The following MRGPRX2 variants were observed in gnomAD, a reference collection of about 807,000 sequenced individuals.
MRGPRX2 encodes mas-related G protein-coupled receptor member X2.
For synonymous variants in MRGPRX2, 183 were observed against 175.6 expected (o/e 1.04, Z -0.33); for missense variants, 389 against 404.5 (o/e 0.96, Z 0.33).
At chr11:19,059,389 C>G (rs916599174) in intron 1 of MRGPRX2, among the ~76,000 whole-genome samples, 5 of 152,190 alleles carry the variant, frequency 3.3e-5, no homozygotes, top group African/African-American at 1.2e-4. Context: ...GTTATCAGCC[C>G]AAGTCTAGTA....
rs578178530 is a variant in MRGPRX2, at chr11:19,056,273, C to A, written c.130G>T (p.Gly44Trp). ...VFLILFIALV[G>W]LVGNGFVLWL... ...AGCACAAACCCGTTTCCTACCAGCC[C>A]GACCAGGGCAATGAAAAGGATCAGG... Residue 44 changes from glycine to tryptophan, a missense_variant, in exon 2 of 2, where the codon GGG (glycine) becomes TGG (tryptophan). Transcript: ENST00000329773. The A allele has an allele frequency of 7.4e-6, 12 of 1,614,098 alleles. No homozygotes were observed. Among genetic ancestry groups the A allele is most frequent in the Non-Finnish European group, 1.0e-5 (12 of 1,180,038 alleles).
Position 19,055,958 on chromosome 11 carries a change from C to A in MRGPRX2, c.445G>T (p.Val149Leu), listed in dbSNP as rs1849612711. ...CRRPRHLSAV[V>L]CVLLWALSLL... Reference sequence around the variant, plus strand: ...GACAGGGCCCAGAGCAGGACACACACGACCGCTGACAGGTGTCTGGGGCGG... The same window carrying A: ...GACAGGGCCCAGAGCAGGACACACAAGACCGCTGACAGGTGTCTGGGGCGG... Residue 149 changes from valine (V) to leucine (L), a missense_variant, in exon 2 of 2, where the codon GTG becomes TTG. Physicochemically the swap from Val to Leu is conservative, Grantham distance 32 (BLOSUM62 1). Coordinates refer to ENST00000329773, the MANE Select transcript of MRGPRX2 (RefSeq NM_054030.4). The A allele has an allele frequency of 6.2e-7, 1 of 1,614,092 alleles. No individual in the cohort carries two copies. Among genetic ancestry groups the A allele is most frequent in the Non-Finnish European group, 8.5e-7 (1 of 1,180,056 alleles).
intron 1 of MRGPRX2, among the ~76,000 whole-genome samples, chr11:19,060,326 G>A (rs1001141253): frequency 6.6e-6 from 1 of 152,196 alleles, no homozygotes; most frequent in Admixed American, 6.5e-5. Flanking sequence ...ATTTAGCTTA[G>A]GGAAGTAATG....
In MRGPRX2 at chr11:19,056,269, A is replaced by G. The variant is rs1436309050; in HGVS notation, c.134T>C (p.Leu45Pro). The G allele has an allele frequency of 1.2e-6, 2 of 1,614,130 alleles. No individual in the cohort carries two copies. The highest frequency in any genetic ancestry group is 1.7e-6 in the Non-Finnish European group (2 of 1,180,050). The stretch of plus-strand genomic sequence containing the variant: ...CCAGAGCACAAACCCGTTTCCTACC[A>G]GCCCGACCAGGGCAATGAAAAGGAT... ...FLILFIALVGLVGNGFVLWLL... is the reference protein window; with the variant it reads ...FLILFIALVGPVGNGFVLWLL... Residue 45 changes from leucine to proline, a missense_variant, in exon 2 of 2, where the codon CTG becomes CCG. Leu to Pro is a moderately conservative substitution (Grantham distance 98, BLOSUM62 -3). Coordinates refer to ENST00000329773, the MANE Select transcript of MRGPRX2 (RefSeq NM_054030.4).
intron 1 of MRGPRX2, among the ~76,000 whole-genome samples, chr11:19,058,594 G>T (rs1003565979): frequency 2.0e-5 from 3 of 151,668 alleles, no homozygotes; most frequent in Admixed American, 6.6e-5. Flanking sequence ...CTAATTTTTT[G>T]TATTTTTTTT....
At chr11:19,058,210 C>G (rs1849635558) in intron 1 of MRGPRX2, among the ~76,000 whole-genome samples, 1 of 152,196 alleles carries the variant, frequency 6.6e-6, no homozygotes, top group Non-Finnish European at 1.5e-5. Flanking sequence ...GCAGAAAACT[C>G]TCATGGGTTG....
In MRGPRX2 at chr11:19,059,886, C is replaced by T. The variant is rs149575032; in HGVS notation, c.-26+733G>A. The stretch of plus-strand genomic sequence containing the variant: ...TTTTTCAGCCAAAGGGACACATTGA[C>T]AGTAGATTGGGGGATGATTTTTTAA... On this transcript the variant is annotated intron_variant, in intron 1 of 1. Transcript: ENST00000329773. Among the ~76,000 whole-genome samples the T allele has an allele frequency of 3.2e-3, 493 of 152,130 alleles. 5 individuals carry two copies. The highest frequency in any genetic ancestry group is 0.011 in the African/African-American group (464 of 41,478).
chr11:19,058,601 T>C (rs1849640273), intron 1 of MRGPRX2, among the ~76,000 whole-genome samples: 1 of 151,982 alleles, frequency 6.6e-6, no homozygotes, highest in Admixed American at 6.6e-5. Context: ...TTTGTATTTT[T>C]TTTTTCAGTA....
intron 1 of MRGPRX2, among the ~76,000 whole-genome samples, chr11:19,060,328 G>A (rs1032979785): frequency 6.6e-6 from 1 of 152,220 alleles, no homozygotes; most frequent in South Asian, 2.1e-4. Context: ...TTAGCTTAGG[G>A]AAGTAATGAC....
chr11:19,056,255 A>T lies in MRGPRX2; in HGVS notation c.148T>A (p.Phe50Ile). 6.2e-7 allele frequency: 1 copy of T among 1,614,086 alleles called. No individual in the cohort carries two copies. Among genetic ancestry groups the T allele is most frequent in the Non-Finnish European group, 8.5e-7 (1 of 1,179,966 alleles). Residue 50 changes from phenylalanine to isoleucine, a missense_variant, in exon 2 of 2, where the codon TTT becomes ATT. Physicochemically the swap from Phe to Ile is conservative, Grantham distance 21. Coordinates refer to ENST00000329773, the MANE Select transcript of MRGPRX2 (RefSeq NM_054030.4). Reference sequence around the variant, plus strand: ...CGGAAGCCCAGGAGCCAGAGCACAAACCCGTTTCCTACCAGCCCGACCAGG... The same window carrying T: ...CGGAAGCCCAGGAGCCAGAGCACAATCCCGTTTCCTACCAGCCCGACCAGG... ...IALVGLVGNG[F>I]VLWLLGFRMR... is the part of the protein sequence containing the mutation.
chr11:19,057,492 A>G (rs188283618), intron 1 of MRGPRX2, among the ~76,000 whole-genome samples: 147 of 152,360 alleles, frequency 9.6e-4, no homozygotes, highest in Non-Finnish European at 1.8e-3. Flanking sequence ...TCTAGTGTCT[A>G]GAGGTAACTA....
chr11:19,055,413 C>T lies in MRGPRX2; in HGVS notation c.990G>A (p.Val330=), dbSNP rs756201191. The T allele has an allele frequency of 4.0e-5, 64 of 1,603,016 alleles. No homozygotes were observed. The highest frequency in any genetic ancestry group is 4.5e-5 in the East Asian group (2 of 44,600). Residue 330 remains valine (V), a synonymous_variant, in exon 2 of 2, where the codon GTG becomes GTA. Coordinates refer to ENST00000329773, the MANE Select transcript of MRGPRX2 (RefSeq NM_054030.4). ...GTPEMSRSSL[V] is the part of the protein sequence containing the mutation. Reference sequence around the variant, plus strand: ...TGGAAGTAGAGGCTGTCCATCTCTACACCAGACTGCTTCTCGACATCTCCG... The same window carrying T: ...TGGAAGTAGAGGCTGTCCATCTCTATACCAGACTGCTTCTCGACATCTCCG...
intron 1 of MRGPRX2, among the ~76,000 whole-genome samples, chr11:19,058,721 C>T (rs932722077): frequency 3.3e-5 from 5 of 152,242 alleles, no homozygotes; most frequent in East Asian, 1.9e-4. Flanking sequence ...CCACCGTGCC[C>T]GGCCCTGCAC....
At chr11:19,056,576 C>A in intron 1 of MRGPRX2, 149 bp from the exon 2 acceptor site, 1 of 761,746 alleles carries the variant, frequency 1.3e-6, no homozygotes, top group Non-Finnish European at 2.1e-6. Flanking sequence ...CCAGGGAGTC[C>A]TAGCACCTGG....
Position 19,056,382 on chromosome 11 carries a change from G to C in MRGPRX2, c.21C>G (p.Ala7=). The C allele has an allele frequency of 1.2e-6, 2 of 1,611,552 alleles. No individual in the cohort carries two copies. Among genetic ancestry groups the C allele is most frequent in the Non-Finnish European group, 1.7e-6 (2 of 1,177,806 alleles). ...TCACTGTTGTACTTTCTGTTCCCCA[G>C]GCCGGGGTGGTTGGATCCATGCTCA... MDPTTP[A]WGTESTTVNG... is the part of the protein sequence containing the mutation. Residue 7 remains alanine, a synonymous_variant, in exon 2 of 2, where the codon GCC becomes GCG. Transcript: ENST00000329773.
In MRGPRX2 at chr11:19,055,305, A is replaced by G. The variant is rs957945318; in HGVS notation, c.*105T>C. 2.7e-5 allele frequency: 32 copies of G among 1,205,916 alleles called. 1 individual carries two copies. The African/African-American group carries it at 4.6e-4, about 17-fold the overall frequency. The allele number at this position is 1,205,916 out of a possible 1,614,324, so 74.7% of individuals were successfully genotyped here. On this transcript the variant is annotated 3_prime_UTR_variant, in exon 2 of 2. Coordinates refer to ENST00000329773, the MANE Select transcript of MRGPRX2 (RefSeq NM_054030.4). ...CTTAATCCTCACAAGGACTCTCTTA[A>G]CTGTTTTAAAATCAGGACTGAGAAA...
At position 19,055,433 on chromosome 11, in the gene MRGPRX2, T is replaced by A. The variant is rs114017828; in HGVS notation, c.970A>T (p.Met324Leu). Residue 324 changes from methionine (M) to leucine (L), a missense_variant, in exon 2 of 2, where the codon ATG becomes TTG. By Grantham distance (15) the Met-to-Leu change is conservative. Coordinates refer to ENST00000329773, the MANE Select transcript of MRGPRX2 (RefSeq NM_054030.4). ...CTCTACACCAGACTGCTTCTCGACA[T>A]CTCCGGGGTGCCCTGACGGAAGCAT... is the stretch of plus-strand genomic sequence containing the variant. ...EGCFRQGTPE[M>L]SRSSLV 1 of 1,608,716 alleles carries A rather than the reference T, an allele frequency of 6.2e-7. No homozygotes were observed. Among genetic ancestry groups the A allele is most frequent in the Non-Finnish European group, 8.5e-7 (1 of 1,175,414 alleles).
Position 19,056,178 on chromosome 11 carries a change from G to A in MRGPRX2, c.225C>T (p.Asp75=). ...SVYVLSLAGA[D]FLFLCFQIIN... ...TAATCTGGAAGCAGAGGAAGAGGAA[G>A]TCGGCCCCGGCCAGGCTGAGGACGT... The change falls in exon 2 of 2, where the codon GAC becomes GAT. Residue 75 remains aspartate, a synonymous_variant. Transcript: ENST00000329773. 2 of 1,614,248 alleles carry A rather than the reference G, an allele frequency of 1.2e-6. No homozygotes were observed. The highest frequency in any genetic ancestry group is 2.7e-5 in the African/African-American group (2 of 75,068).
chr11:19,059,051 A>G (rs141097447), intron 1 of MRGPRX2, among the ~76,000 whole-genome samples: 116 of 152,312 alleles, frequency 7.6e-4, no homozygotes, highest in Admixed American at 6.9e-3. Flanking sequence ...CACAGATGCT[A>G]AAAGAGAATC....
Sources: gnomAD v4.1 joint callset for allele counts (sites outside exome capture counted in the v4.1 genomes callset) on GRCh38, gnomAD v4.1.1 for gene constraint, MANE v1.5 for transcripts, NCBI Gene and HGNC (gene_info 2026-07-23, HGNC 2026-07-21) for gene names.